Variants in CTNNA3 observed in about 807,000 individuals in gnomAD.
CTNNA3 encodes catenin alpha 3, also known as catenin alpha-3.
CTNNA3 carries 76 observed loss-of-function variants against 95.7 expected under a neutral mutation model. That is an observed-to-expected ratio of 0.79 (90% CI 0.66 to 0.96). CTNNA3 has a LOEUF of 0.96. CTNNA3 is among the 40% of genes least tolerant of loss of function. The pLI is 0.00. For missense variants in CTNNA3, 1,191 were observed against 1,089.8 expected, an observed-to-expected ratio of 1.09 and a Z score of -1.31; for synonymous variants, 431 against 374.4, an observed-to-expected ratio of 1.15 and a Z score of -1.74.
At chr10:66,145,993 A>G (rs1296593515) in intron 13 of CTNNA3, among the ~76,000 whole-genome samples, 1 of 152,086 alleles carries the variant, frequency 6.6e-6, no homozygotes, top group Non-Finnish European at 1.5e-5. Flanking sequence ...AGCTGGGACT[A>G]TAGGCACGCG....
intron 12 of CTNNA3, among the ~76,000 whole-genome samples, chr10:66,371,665 G>A (rs895167241): frequency 1.3e-5 from 2 of 152,002 alleles, no homozygotes; most frequent in African/African-American, 4.8e-5. Context: ...ATCCTCTCCT[G>A]CTTCTCATCA....
chr10:66,583,933 T>C (rs1050780807), intron 10 of CTNNA3, among the ~76,000 whole-genome samples: 1 of 152,040 alleles, frequency 6.6e-6, no homozygotes, highest in East Asian at 1.9e-4. Flanking sequence ...ATGTCATTGT[T>C]AACCCAAAAA....
chr10:66,668,855 T>C (rs1218374877), intron 9 of CTNNA3, among the ~76,000 whole-genome samples: 2 of 151,984 alleles, frequency 1.3e-5, no homozygotes, highest in African/African-American at 2.4e-5. Flanking sequence ...ATATTCTATA[T>C]ATATATATCT....
At chr10:66,491,232 T>C (rs1456669047) in intron 11 of CTNNA3, among the ~76,000 whole-genome samples, 1 of 152,194 alleles carries the variant, frequency 6.6e-6, no homozygotes, top group Admixed American at 6.5e-5. Context: ...GGATAGATCT[T>C]TTAGTCTCGG....
At chr10:67,643,248 A>C (rs1839598392) in intron 2 of CTNNA3, among the ~76,000 whole-genome samples, 2 of 152,090 alleles carry the variant, frequency 1.3e-5, no homozygotes, top group South Asian at 4.2e-4. Context: ...ACATGTTCTC[A>C]CTTATAAGTG....
At chr10:67,162,136 G>A (rs1433149784) in intron 7 of CTNNA3, among the ~76,000 whole-genome samples, 2 of 151,952 alleles carry the variant, frequency 1.3e-5, no homozygotes, top group African/African-American at 2.4e-5. Flanking sequence ...CAGAAAATCA[G>A]CTAGGATATA....
intron 1 of CTNNA3, among the ~76,000 whole-genome samples, chr10:67,686,054 T>C (rs1374891876): frequency 6.6e-6 from 1 of 152,264 alleles, no homozygotes; most frequent in African/African-American, 2.4e-5. Flanking sequence ...TTTTGCATTG[T>C]ATGCAATAAC....
At chr10:67,718,527 A>G (rs556722922) in intron 1 of CTNNA3, among the ~76,000 whole-genome samples, 18 of 152,162 alleles carry the variant, frequency 1.2e-4, no homozygotes, top group Non-Finnish European at 1.9e-4. Flanking sequence ...GGGGTGTTAA[A>G]TTTTATCGAA....
chr10:67,185,687 A>C (rs1431058627), intron 6 of CTNNA3, among the ~76,000 whole-genome samples: 1 of 151,994 alleles, frequency 6.6e-6, no homozygotes, highest in African/African-American at 2.4e-5. Context: ...TGGCCCACTC[A>C]TTTAGTACAA....
intron 16 of CTNNA3, among the ~76,000 whole-genome samples, chr10:65,975,801 C>T (rs1222596804): frequency 2.0e-5 from 3 of 152,106 alleles, no homozygotes; most frequent in East Asian, 1.9e-4. Context: ...GTTTCATTCA[C>T]ATGCATACAC....
intron 7 of CTNNA3, among the ~76,000 whole-genome samples, chr10:66,932,612 T>C (rs1357380782): frequency 1.3e-5 from 2 of 152,112 alleles, no homozygotes; most frequent in Non-Finnish European, 2.9e-5. Context: ...AATATATAGG[T>C]AAATTTGAAT....
chr10:66,903,040 A>G (rs1028878830), intron 7 of CTNNA3, among the ~76,000 whole-genome samples: 1 of 152,236 alleles, frequency 6.6e-6, no homozygotes, highest in East Asian at 1.9e-4. Context: ...GGCCAGCATC[A>G]TACTGATACC....
At chr10:66,237,582 G>T (rs550345637) in intron 13 of CTNNA3, among the ~76,000 whole-genome samples, 3 of 151,796 alleles carry the variant, frequency 2.0e-5, no homozygotes, top group East Asian at 1.9e-4. Context: ...TTTAAAAGGG[G>T]TGTGAATATG....
intron 14 of CTNNA3, among the ~76,000 whole-genome samples, chr10:66,081,291 T>G (rs936047072): frequency 5.3e-5 from 8 of 151,988 alleles, no homozygotes; most frequent in Admixed American, 3.9e-4. Context: ...AAGTAAGTAA[T>G]TGCTCAAAAA....
intron 7 of CTNNA3, among the ~76,000 whole-genome samples, chr10:66,792,847 T>C (rs7078471): frequency 0.24 from 37,120 of 152,102 alleles, 5,228 homozygotes; most frequent in African/African-American, 0.39. Context: ...AGAAGTTTGA[T>C]TAAAAGCCAC....
In CTNNA3 at chr10:67,085,716, C is replaced by A. The variant is rs145422322; in HGVS notation, c.1047+94601G>T. On this transcript the variant is annotated intron_variant, in intron 7 of 17. Coordinates refer to ENST00000433211, the MANE Select transcript of CTNNA3 (RefSeq NM_013266.4). Reference sequence around the variant, plus strand: ...TTCATTACAAATGTAAATACATAGACTTGGTTATAATCTATTCAGTTCCCT... The same window carrying A: ...TTCATTACAAATGTAAATACATAGAATTGGTTATAATCTATTCAGTTCCCT... 4.8e-4 allele frequency among the ~76,000 whole-genome samples: 73 copies of A among 152,022 alleles called. 1 individual carries two copies. The East Asian group carries it at 0.013, about 28-fold the overall frequency.
chr10:67,086,589 G>A (rs1317508397), intron 7 of CTNNA3, among the ~76,000 whole-genome samples: 1 of 151,942 alleles, frequency 6.6e-6, no homozygotes, highest in African/African-American at 2.4e-5. Context: ...GTTTTATAAA[G>A]AATGTGAAGA....
At chr10:66,863,140 T>C (rs940345074) in intron 7 of CTNNA3, among the ~76,000 whole-genome samples, 1 of 151,648 alleles carries the variant, frequency 6.6e-6, no homozygotes, top group Non-Finnish European at 1.5e-5. Context: ...CACCTGCAGT[T>C]CTTGTAAATT....
At chr10:66,347,624 G>T (rs78178545) in intron 12 of CTNNA3, among the ~76,000 whole-genome samples, 1 of 151,450 alleles carries the variant, frequency 6.6e-6, no homozygotes, top group Middle Eastern at 3.4e-3. Context: ...AAAAAAAAAA[G>T]CAGACAGCAA....
Sources: allele counts gnomAD v4.1 joint callset (sites outside exome capture counted in the v4.1 genomes callset), GRCh38; gene constraint gnomAD v4.1.1; transcripts MANE v1.5; gene names NCBI Gene and HGNC (gene_info 2026-07-23, HGNC 2026-07-21).